Variants in XIRP2 observed in about 807,000 individuals in gnomAD.
XIRP2 encodes the protein xin actin binding repeat containing 2, also known as xin actin-binding repeat-containing protein 2.
Under a neutral mutation model 277.0 loss-of-function variants are expected in XIRP2, and 236 were observed. The ratio of observed to expected loss-of-function variants is 0.85; its 90% CI spans 0.77 to 0.95. The LOEUF (loss-of-function observed/expected upper bound fraction) is 0.95. XIRP2 is among the 40% of genes least tolerant of loss of function. XIRP2 has a pLI of 0.00. For synonymous variants in XIRP2, 1,490 were observed against 1,416.5 expected, an observed-to-expected ratio of 1.05 and a Z score of -1.17; for missense variants, 4,640 against 4,157.5, an observed-to-expected ratio of 1.12 and a Z score of -3.19.
chr2:167,045,940 G>C (rs1338535810), intron 2 of XIRP2, among the ~76,000 whole-genome samples: 7 of 152,078 alleles, frequency 4.6e-5, no homozygotes, highest in African/African-American at 1.4e-4. Flanking sequence ...GTAGATAGCT[G>C]TTATTATTTT....
intron 3 of XIRP2, among the ~76,000 whole-genome samples, chr2:167,150,762 T>C (rs1197541627): frequency 1.3e-5 from 2 of 152,060 alleles, no homozygotes; most frequent in Non-Finnish European, 2.9e-5. Context: ...TTATTTATAG[T>C]ACTATGATTA....
At chr2:167,194,669 T>C (rs2105370221) in intron 3 of XIRP2, among the ~76,000 whole-genome samples, 1 of 152,182 alleles carries the variant, frequency 6.6e-6, no homozygotes, top group African/African-American at 2.4e-5. Flanking sequence ...CTCTAACTGG[T>C]TGAACGCAGA....
intron 2 of XIRP2, among the ~76,000 whole-genome samples, chr2:167,122,951 A>G (rs949234703): frequency 7.9e-5 from 12 of 152,230 alleles, no homozygotes; most frequent in African/African-American, 2.9e-4. Context: ...CTTGCTTGTC[A>G]AGGGCCAGAT....
intron 2 of XIRP2, among the ~76,000 whole-genome samples, chr2:167,020,657 A>T (rs1186656233): frequency 1.3e-5 from 2 of 152,008 alleles, no homozygotes; most frequent in African/African-American, 4.8e-5. Flanking sequence ...TGAAATGCAT[A>T]GTTTCAAATA....
chr2:167,101,756 T>G (rs1443965236), intron 2 of XIRP2, among the ~76,000 whole-genome samples: 1 of 152,226 alleles, frequency 6.6e-6, no homozygotes, highest in Non-Finnish European at 1.5e-5. Context: ...GAAGGAAGAC[T>G]TACTTTTAAT....
intron 2 of XIRP2, among the ~76,000 whole-genome samples, chr2:167,028,072 G>A (rs1688224474): frequency 6.6e-6 from 1 of 151,960 alleles, no homozygotes; most frequent in African/African-American, 2.4e-5. Context: ...ACTTCTGTAA[G>A]CATATTTAAC....
intron 2 of XIRP2, among the ~76,000 whole-genome samples, chr2:166,969,041 C>T (rs73973542): frequency 0.089 from 13,533 of 152,010 alleles, 733 homozygotes; most frequent in East Asian, 0.3. Flanking sequence ...CCCTCTTCCC[C>T]GCAAATCCCA....
At chr2:167,058,273 G>A (rs1207275638) in intron 2 of XIRP2, among the ~76,000 whole-genome samples, 1 of 151,844 alleles carries the variant, frequency 6.6e-6, no homozygotes, top group African/African-American at 2.4e-5. Context: ...TGGTTTTTTA[G>A]ACGGGGTTTC....
intron 3 of XIRP2, among the ~76,000 whole-genome samples, chr2:167,156,235 T>C (rs536942124): frequency 6.6e-6 from 1 of 152,216 alleles, no homozygotes; most frequent in East Asian, 1.9e-4. Context: ...TTCACAGAAT[T>C]GGAAAAAACT....
chr2:166,913,823 G>T (rs952803675), intron 2 of XIRP2, among the ~76,000 whole-genome samples: 17 of 152,196 alleles, frequency 1.1e-4, no homozygotes, highest in African/African-American at 3.6e-4. Flanking sequence ...ATCATTTAAT[G>T]TATCATGAAT....
At chr2:166,961,494 T>C (rs1311781485) in intron 2 of XIRP2, among the ~76,000 whole-genome samples, 1 of 151,828 alleles carries the variant, frequency 6.6e-6, no homozygotes, top group African/African-American at 2.4e-5. Flanking sequence ...AAACAGCTAA[T>C]ATATTTGTTT....
intron 2 of XIRP2, among the ~76,000 whole-genome samples, chr2:166,979,403 G>A (rs570018950): frequency 7.2e-6 from 1 of 139,760 alleles, no homozygotes; most frequent in Non-Finnish European, 1.5e-5. Flanking sequence ...AGTAGCTAAG[G>A]CCTCAAGTAT....
At chr2:166,982,559 A>C (rs1686902356) in intron 2 of XIRP2, among the ~76,000 whole-genome samples, 1 of 151,918 alleles carries the variant, frequency 6.6e-6, no homozygotes, top group Non-Finnish European at 1.5e-5. Flanking sequence ...TCAGATTTAA[A>C]AATTCTTAAT....
At chr2:167,079,927 T>C (rs563925532) in intron 2 of XIRP2, among the ~76,000 whole-genome samples, 1 of 152,212 alleles carries the variant, frequency 6.6e-6, no homozygotes, top group East Asian at 1.9e-4. Context: ...TTTTTGTTTT[T>C]TTGGGTTTAT....
chr2:167,192,494 AACTATGTTTTTGTAAAGCTAAAGATT>A (rs1455130052), intron 3 of XIRP2, among the ~76,000 whole-genome samples: 1 of 152,154 alleles, frequency 6.6e-6, no homozygotes, highest in Non-Finnish European at 1.5e-5. Flanking sequence ...GGAGAGAGTG[AACTATGTTTTTGTAAAGCTAAAGATT>A]ACTCTTTGGT....
intron 2 of XIRP2, among the ~76,000 whole-genome samples, chr2:166,953,659 A>G (rs1686092976): frequency 6.6e-6 from 1 of 152,002 alleles, no homozygotes; most frequent in South Asian, 2.1e-4. Context: ...AATAGGAAGT[A>G]GAATGTTCCA....
At chr2:167,105,546 T>C (rs1690595506) in intron 2 of XIRP2, among the ~76,000 whole-genome samples, 1 of 151,952 alleles carries the variant, frequency 6.6e-6, no homozygotes, top group African/African-American at 2.4e-5. Context: ...TGTTTAACTA[T>C]TCACTCCTTG....
At chr2:167,182,826 A>G (rs1693053863) in intron 3 of XIRP2, among the ~76,000 whole-genome samples, 1 of 152,232 alleles carries the variant, frequency 6.6e-6, no homozygotes, top group Admixed American at 6.5e-5. Flanking sequence ...AATTAAAGAA[A>G]GAAAAAAATA....
intron 1 of XIRP2, among the ~76,000 whole-genome samples, chr2:166,901,196 C>G (rs1363171103): frequency 6.6e-6 from 1 of 152,034 alleles, no homozygotes; most frequent in African/African-American, 2.4e-5. Flanking sequence ...ATTTCATTTT[C>G]TTCCCCTCTA....
Sources: allele counts gnomAD v4.1 joint callset (sites outside exome capture counted in the v4.1 genomes callset), GRCh38; gene constraint gnomAD v4.1.1; transcripts MANE v1.5; gene names NCBI Gene and HGNC (gene_info 2026-07-23, HGNC 2026-07-21).